The following PACC1 variants were observed in gnomAD, a reference collection of about 807,000 sequenced individuals.
PACC1 encodes the protein proton-activated chloride channel.
In PACC1, 34 loss-of-function variants were observed where a neutral mutation model predicts 39.7. That is an observed-to-expected ratio of 0.86 (90% CI 0.65 to 1.14). The LOEUF is 1.14. Among genes scored for constraint, PACC1 ranks in the 50% most tolerant of loss-of-function variants. The pLI is 0.00. For synonymous variants in PACC1, 127 were observed against 160.6 expected, an observed-to-expected ratio of 0.79 and a Z score of 1.58; for missense variants, 379 against 436.4, an observed-to-expected ratio of 0.87 and a Z score of 1.17.
In PACC1 at chr1:212,365,363, T is replaced by C. The variant is rs1333420850; in HGVS notation, c.905A>G (p.Asn302Ser). ...GAGAAGAGCAATTGTGTTCCAAGGA[T>C]TGGCAGTGACTATCTGTGAAGCAAA... ...IQKVQDIVTA[N>S]PWNTIALLCG... is the part of the protein sequence containing the mutation. The change falls in exon 8 of 8, where the codon AAT (asparagine) becomes AGT (serine). Residue 302 changes from asparagine (N) to serine (S), a missense_variant. By Grantham distance (46) the Asn-to-Ser change is conservative. Transcript: ENST00000261455. The C allele has an allele frequency of 1.2e-6, 2 of 1,610,738 alleles. No homozygotes were observed. The highest frequency in any genetic ancestry group is 1.7e-6 in the Non-Finnish European group (2 of 1,178,884).
intron 4 of PACC1, among the ~76,000 whole-genome samples, chr1:212,385,038 T>C (rs1177188589): frequency 6.6e-6 from 1 of 152,212 alleles, no homozygotes; most frequent in Non-Finnish European, 1.5e-5. Flanking sequence ...CACCGCACTG[T>C]CAGGAATCCC....
intron 5 of PACC1, 87 bp downstream of exon 5, chr1:212,379,808 A>C (rs1571641453): frequency 6.5e-7 from 1 of 1,540,152 alleles, no homozygotes; most frequent in Non-Finnish European, 8.9e-7. Flanking sequence ...CCCTGCCCTC[A>C]CCCCTCCGTC....
In PACC1 at chr1:212,377,476, G is replaced by C. The variant is rs557688532; in HGVS notation, c.783+86C>G. 3.9e-5 allele frequency: 62 copies of C among 1,570,352 alleles called. 2 individuals are homozygous for C. The highest frequency in any genetic ancestry group is 1.7e-6 in the Non-Finnish European group (2 of 1,153,582). Reference sequence around the variant, plus strand: ...CTCACCCTTAAGGCCCTGCTCAAAGGAGCCTTCTCTGCAAAGCTTCCCTCC... The same window carrying C: ...CTCACCCTTAAGGCCCTGCTCAAAGCAGCCTTCTCTGCAAAGCTTCCCTCC... On this transcript the variant is annotated intron_variant, in intron 6 of 7. Coordinates refer to ENST00000261455, the MANE Select transcript of PACC1 (RefSeq NM_018252.3).
chr1:212,395,038 T>TC lies in PACC1; in HGVS notation c.134-7939dup, dbSNP rs912218900. ...AAGGTAATTTATAGATTCAATGCCA[T>TC]CCCCATCAAGCTACCAATGACTTTC... On this transcript the variant is annotated intron_variant, in intron 2 of 7. Transcript: ENST00000261455. Among the ~76,000 whole-genome samples the TC allele has an allele frequency of 2.3e-3, 354 of 152,222 alleles. 3 individuals are homozygous for TC. The highest frequency in any genetic ancestry group is 8.1e-3 in the African/African-American group (336 of 41,508).
intron 2 of PACC1, among the ~76,000 whole-genome samples, chr1:212,399,396 C>T (rs1477418302): frequency 6.6e-6 from 1 of 152,122 alleles, no homozygotes; most frequent in Non-Finnish European, 1.5e-5. Context: ...TTTACAATTA[C>T]AGTCATTAAT....
At chr1:212,369,822 C>T (rs554025669) in intron 7 of PACC1, among the ~76,000 whole-genome samples, 21 of 149,944 alleles carry the variant, frequency 1.4e-4, no homozygotes, top group African/African-American at 4.9e-4. Flanking sequence ...AAAAAGACAT[C>T]CCACACAAAT....
Position 212,403,946 on chromosome 1 carries a change from A to G in PACC1, c.133+6479T>C, listed in dbSNP as rs115021484. 3.9e-3 allele frequency among the ~76,000 whole-genome samples: 586 copies of G among 152,036 alleles called. 3 individuals carry two copies. The highest frequency in any genetic ancestry group is 0.012 in the African/African-American group (488 of 41,462). On this transcript the variant is annotated intron_variant, in intron 2 of 7. Transcript: ENST00000261455. ...CCGTTTGCCTGGCTTCAAAATTAAG[A>G]ATCCTCTTTGATTCTTCCTTCTCCC...
intron 2 of PACC1, among the ~76,000 whole-genome samples, chr1:212,389,417 A>C (rs1661222840): frequency 6.6e-6 from 1 of 152,230 alleles, no homozygotes; most frequent in South Asian, 2.1e-4. Context: ...TTTAGAGCTT[A>C]AATCTTGCCA....
chr1:212,385,137 C>T (rs1475674918), intron 4 of PACC1, 137 bp downstream of exon 4: 30 of 980,800 alleles, frequency 3.1e-5, no homozygotes, highest in African/African-American at 4.9e-5. Flanking sequence ...ATGGCACAGC[C>T]GCATGTCTCC....
At chr1:212,370,451 A>G (rs1660407344) in intron 7 of PACC1, among the ~76,000 whole-genome samples, 1 of 152,262 alleles carries the variant, frequency 6.6e-6, no homozygotes, top group Non-Finnish European at 1.5e-5. Flanking sequence ...CCTGGGCGAC[A>G]GAACGAGACT....
chr1:212,375,403 G>C, intron 6 of PACC1, 103 bp from the exon 7 acceptor site: 1 of 769,418 alleles, frequency 1.3e-6, no homozygotes, highest in Non-Finnish European at 2.2e-6. Flanking sequence ...ATAGTCTGTG[G>C]TTCTCCTCAC....
intron 6 of PACC1, among the ~76,000 whole-genome samples, chr1:212,376,618 A>G (rs1025845446): frequency 6.6e-6 from 1 of 152,252 alleles, no homozygotes; most frequent in African/African-American, 2.4e-5. Context: ...GATGACAGTT[A>G]TCTTACAAAA....
At chr1:212,370,597 C>T (rs905623046) in intron 7 of PACC1, among the ~76,000 whole-genome samples, 1 of 152,198 alleles carries the variant, frequency 6.6e-6, no homozygotes, top group Non-Finnish European at 1.5e-5. Context: ...TATTAAGTAT[C>T]TTGTCTGACC....
chr1:212,395,869 A>G (rs952332981), intron 2 of PACC1, among the ~76,000 whole-genome samples: 1 of 152,238 alleles, frequency 6.6e-6, no homozygotes, highest in Non-Finnish European at 1.5e-5. Flanking sequence ...GAGAAATGCA[A>G]ATCAAAACCA....
In PACC1 at chr1:212,375,228, CAA is replaced by C. The variant is rs1450968998; in HGVS notation, c.854_855del (p.Phe285Ter). On this transcript the variant is annotated frameshift_variant, in exon 7 of 8. Transcript: ENST00000261455. LOFTEE classifies it high-confidence loss of function. The stretch of plus-strand genomic sequence containing the variant: ...TTCTGGATGAAAGGATCTTTCCATT[CAA>C]AGACCACAAAAAACAATTGAGCACT... ...KKSAQLFFVV[F>X]EWKDPFIQKV... The C allele has an allele frequency of 6.2e-7, 1 of 1,613,914 alleles. No homozygotes were observed. The highest frequency in any genetic ancestry group is 8.5e-7 in the Non-Finnish European group (1 of 1,179,860).
intron 2 of PACC1, among the ~76,000 whole-genome samples, chr1:212,401,522 A>C (rs1431080423): frequency 6.7e-6 from 1 of 148,474 alleles, no homozygotes; most frequent in Non-Finnish European, 1.5e-5. Context: ...GCCACTCGAG[A>C]GGCTGAGGCA....
In PACC1 at chr1:212,392,628, T is replaced by C. The variant is rs572489072; in HGVS notation, c.134-5528A>G. 3.9e-5 allele frequency among the ~76,000 whole-genome samples: 6 copies of C among 152,338 alleles called. No individual in the cohort carries two copies. In the South Asian group the frequency reaches 8.3e-4, roughly 21 times the overall value. ...AATGTAAATGGGCTAAATGCTCCAATTAAAAGACAGACTGGCAAATTGGAT... is the reference window on the plus strand; with the variant it reads ...AATGTAAATGGGCTAAATGCTCCAACTAAAAGACAGACTGGCAAATTGGAT... On this transcript the variant is annotated intron_variant, in intron 2 of 7. Transcript: ENST00000261455.
intron 4 of PACC1, among the ~76,000 whole-genome samples, chr1:212,381,494 C>T (rs1328788045): frequency 6.6e-6 from 1 of 152,122 alleles, no homozygotes; most frequent in African/African-American, 2.4e-5. Flanking sequence ...ACTAGAATGG[C>T]TTTCCCAACC....
intron 2 of PACC1, among the ~76,000 whole-genome samples, chr1:212,405,913 A>G (rs577254886): frequency 3.9e-5 from 6 of 152,094 alleles, no homozygotes; most frequent in South Asian, 4.1e-4. Context: ...AGGTCAAGGC[A>G]GGAGGATCAC....
Sources: gnomAD v4.1 joint callset for allele counts (sites outside exome capture counted in the v4.1 genomes callset) on GRCh38, gnomAD v4.1.1 for gene constraint, MANE v1.5 for transcripts, NCBI Gene and HGNC (gene_info 2026-07-23, HGNC 2026-07-21) for gene names.